The following ASTN2 variants were observed in gnomAD, a reference collection of about 807,000 sequenced individuals.
ASTN2 encodes astrotactin-2.
ASTN2 carries 54 observed loss-of-function variants against 139.8 expected under a neutral mutation model. The ratio of observed to expected loss-of-function variants is 0.39; its 90% CI spans 0.31 to 0.48. The LOEUF is 0.48. Among genes scored for constraint, ASTN2 ranks in the 20% least tolerant of loss-of-function variants. The pLI, the probability that ASTN2 is intolerant of heterozygous loss-of-function variation, is 0.95. For synonymous variants in ASTN2, 756 were observed against 719.5 expected (o/e 1.05, Z -0.81); for missense variants, 1,565 against 1,725.1 (o/e 0.91, Z 1.64).
chr9:116,964,256 T>TGTGTGTGCGCGCGC (rs1491183340), intron 10 of ASTN2, among the ~76,000 whole-genome samples: 18 of 98,866 alleles, frequency 1.8e-4, no homozygotes, highest in African/African-American at 5.8e-4. Flanking sequence ...TGTGTGTGTG[T>TGTGTGTGCGCGCGC]GCGCGCGCGC....
At chr9:116,719,302 T>G (rs1429969090) in intron 16 of ASTN2, among the ~76,000 whole-genome samples, 1 of 151,942 alleles carries the variant, frequency 6.6e-6, no homozygotes, top group East Asian at 1.9e-4. Flanking sequence ...TCTCAGAAAC[T>G]AAGGTACAAA....
intron 16 of ASTN2, among the ~76,000 whole-genome samples, chr9:116,690,646 A>G (rs1330373442): frequency 6.6e-6 from 1 of 152,196 alleles, no homozygotes; most frequent in African/African-American, 2.4e-5. Flanking sequence ...CTAGGGAACT[A>G]TGAAACATCC....
At chr9:117,285,095 A>C (rs1310063110) in intron 2 of ASTN2, among the ~76,000 whole-genome samples, 1 of 152,208 alleles carries the variant, frequency 6.6e-6, no homozygotes, top group Non-Finnish European at 1.5e-5. Context: ...ATTTCTACTC[A>C]GTTACTGTTT....
intron 3 of ASTN2, among the ~76,000 whole-genome samples, chr9:117,154,487 T>G (rs960279278): frequency 6.6e-6 from 1 of 152,010 alleles, no homozygotes; most frequent in Admixed American, 6.6e-5. Context: ...CTGTGTGACT[T>G]TGGACACTTC....
intron 17 of ASTN2, among the ~76,000 whole-genome samples, chr9:116,632,078 C>T (rs1273830673): frequency 6.8e-6 from 1 of 146,376 alleles, no homozygotes; most frequent in Non-Finnish European, 1.5e-5. Context: ...TGTGCCACTG[C>T]CCTCCACACT....
At chr9:116,918,151 A>G (rs956173496) in intron 10 of ASTN2, among the ~76,000 whole-genome samples, 1 of 152,198 alleles carries the variant, frequency 6.6e-6, no homozygotes, top group Non-Finnish European at 1.5e-5. Flanking sequence ...TGTAAGTCCA[A>G]TTAAACCTCT....
Position 116,577,536 on chromosome 9 carries a change from AAAAAAG to A in ASTN2, c.3355+40782_3355+40787del, listed in dbSNP as rs372608395. ...AACAGAATGAAACTGTGTCTCAAAA[AAAAAAG>A]AAAAAGAAAAAGAAAAAAGAATGTA... On this transcript the variant is annotated intron_variant, in intron 19 of 22. Coordinates refer to ENST00000313400, the MANE Select transcript of ASTN2 (RefSeq NM_001365068.1). Among the ~76,000 whole-genome samples, 104 of 144,980 alleles carry A rather than the reference AAAAAAG, an allele frequency of 7.2e-4. 2 individuals carry two copies. The highest frequency in any genetic ancestry group is 7.2e-3 in the Middle Eastern group (2 of 276).
intron 20 of ASTN2, among the ~76,000 whole-genome samples, chr9:116,476,275 C>A (rs1447361511): frequency 6.6e-6 from 1 of 152,190 alleles, no homozygotes; most frequent in East Asian, 1.9e-4. Context: ...TTAACTTAAT[C>A]CAGTATTACC....
At chr9:116,465,435 A>C (rs1023725645) in intron 20 of ASTN2, among the ~76,000 whole-genome samples, 4 of 152,178 alleles carry the variant, frequency 2.6e-5, no homozygotes, top group Non-Finnish European at 4.4e-5. Context: ...GCTCTCAGAG[A>C]CGTAAGGCTT....
At chr9:116,683,169 AC>A (rs1859993805) in intron 16 of ASTN2, among the ~76,000 whole-genome samples, 1 of 152,086 alleles carries the variant, frequency 6.6e-6, no homozygotes, top group Admixed American at 6.5e-5. Flanking sequence ...ATAAAATTTA[AC>A]AGGCCCTCTT....
intron 10 of ASTN2, among the ~76,000 whole-genome samples, chr9:116,908,457 C>T (rs959451537): frequency 4.6e-5 from 7 of 152,178 alleles, no homozygotes; most frequent in African/African-American, 1.4e-4. Context: ...TAAATGGAGG[C>T]TATCATTTCC....
At chr9:116,977,318 C>T (rs1928989) in intron 7 of ASTN2, among the ~76,000 whole-genome samples, 148,136 of 152,286 alleles carry the variant, frequency 0.97, 72,178 homozygotes, top group East Asian at 1. Flanking sequence ...TTTTGTGTTG[C>T]TTTTCATTTT....
In ASTN2 at chr9:116,440,267, C is replaced by T. The variant is rs534284153; in HGVS notation, c.3782+342G>A. 6.6e-5 allele frequency among the ~76,000 whole-genome samples: 10 copies of T among 152,176 alleles called. No homozygotes were observed. The South Asian group carries it at 2.1e-3, about 32-fold the overall frequency. On this transcript the variant is annotated intron_variant, in intron 22 of 22. Coordinates refer to ENST00000313400, the MANE Select transcript of ASTN2 (RefSeq NM_001365068.1). ...AGGCCCTGGATTATGGGTCATGGCC[C>T]CACTGCTGTTCCCCTCTGTGATCTT... is the stretch of plus-strand genomic sequence containing the variant.
chr9:117,062,304 A>G (rs1839317566), intron 5 of ASTN2, among the ~76,000 whole-genome samples: 1 of 152,108 alleles, frequency 6.6e-6, no homozygotes, highest in Non-Finnish European at 1.5e-5. Flanking sequence ...GGCCACAACT[A>G]TCTCTAGACA....
At chr9:117,251,985 T>C (rs1043381461) in intron 2 of ASTN2, among the ~76,000 whole-genome samples, 2 of 152,178 alleles carry the variant, frequency 1.3e-5, no homozygotes, top group Non-Finnish European at 1.5e-5. Context: ...CTAAATATTA[T>C]GCCCAAAAGT....
intron 1 of ASTN2, among the ~76,000 whole-genome samples, chr9:117,354,659 T>C (rs1233137359): frequency 6.6e-6 from 1 of 152,192 alleles, no homozygotes; most frequent in Non-Finnish European, 1.5e-5. Flanking sequence ...TTATATGATC[T>C]GGCTCCAGGC....
At chr9:117,144,349 A>T (rs1271484105) in intron 3 of ASTN2, among the ~76,000 whole-genome samples, 2 of 152,166 alleles carry the variant, frequency 1.3e-5, no homozygotes, top group Admixed American at 1.3e-4. Flanking sequence ...ATGTTCCAAA[A>T]TCTGAAACAT....
Position 116,970,313 on chromosome 9 carries a change from A to G in ASTN2, c.1889+4895T>C, listed in dbSNP as rs1204626971. Among the ~76,000 whole-genome samples, 3 of 152,312 alleles carry G rather than the reference A, an allele frequency of 2.0e-5. No individual in the cohort carries two copies. The East Asian group carries it at 5.8e-4, about 29-fold the overall frequency. On this transcript the variant is annotated intron_variant, in intron 10 of 22. Transcript: ENST00000313400. ...GTCTACACTAGATATGAGAATTTACATTTCTAATAAGTTTCTAGGTCATGC... is the reference window on the plus strand; with the variant it reads ...GTCTACACTAGATATGAGAATTTACGTTTCTAATAAGTTTCTAGGTCATGC...
At chr9:117,380,597 CAAAAAAA>C (rs1199618121) in intron 1 of ASTN2, among the ~76,000 whole-genome samples, 3 of 92,640 alleles carry the variant, frequency 3.2e-5, no homozygotes, top group Non-Finnish European at 6.5e-5. Flanking sequence ...GAGCAAGACT[CAAAAAAA>C]AAAAAAAAAA....
Sources: allele counts gnomAD v4.1 joint callset (sites outside exome capture counted in the v4.1 genomes callset), GRCh38; gene constraint gnomAD v4.1.1; transcripts MANE v1.5; gene names NCBI Gene and HGNC (gene_info 2026-07-23, HGNC 2026-07-21).